DDX10: variants seen among roughly 807,000 people sequenced by gnomAD.
DDX10 encodes the protein probable ATP-dependent RNA helicase DDX10.
In DDX10, 74 loss-of-function variants were observed where a neutral mutation model predicts 104.3. The observed-to-expected ratio is 0.71, with a 90% CI of 0.59 to 0.86. The LOEUF (loss-of-function observed/expected upper bound fraction) is 0.86. Among genes scored for constraint, DDX10 ranks in the 40% least tolerant of loss-of-function variants. DDX10 has a pLI of 0.00. For missense variants in DDX10, 952 were observed against 1,040.0 expected (o/e 0.92, Z 1.16); for synonymous variants, 351 against 353.4 (o/e 0.99, Z 0.08).
chr11:108,774,254 G>A (rs1024687670), intron 13 of DDX10, among the ~76,000 whole-genome samples: 1 of 152,204 alleles, frequency 6.6e-6, no homozygotes, highest in Admixed American at 6.5e-5. Flanking sequence ...TTCATTGGCC[G>A]TGTGACTAGG....
At chr11:108,821,113 G>C (rs532506048) in intron 13 of DDX10, among the ~76,000 whole-genome samples, 3 of 152,292 alleles carry the variant, frequency 2.0e-5, no homozygotes, top group Admixed American at 2.0e-4. Context: ...GTTTCAGAGG[G>C]ATGAAGTAAA....
chr11:108,737,883 G>A (rs949949037), intron 13 of DDX10, among the ~76,000 whole-genome samples: 1 of 152,044 alleles, frequency 6.6e-6, no homozygotes, highest in African/African-American at 2.4e-5. Flanking sequence ...GGGTGATAAC[G>A]ATTAGAATAA....
At chr11:108,725,881 T>C (rs981590628) in intron 13 of DDX10, among the ~76,000 whole-genome samples, 5 of 151,986 alleles carry the variant, frequency 3.3e-5, no homozygotes, top group Non-Finnish European at 7.4e-5. Context: ...TTTTCTCCTA[T>C]GTTCTCGTCC....
At chr11:108,838,759 CGA>C (rs1677323117) in intron 14 of DDX10, among the ~76,000 whole-genome samples, 194 bp downstream of exon 14, 1 of 152,138 alleles carries the variant, frequency 6.6e-6, no homozygotes, top group African/African-American at 2.4e-5. Context: ...GCCAATAAGC[CGA>C]GATACTTCTT....
Position 108,701,675 on chromosome 11 carries a change from C to CTTTTTTTTTTTTTTTTT in DDX10, c.1224-5055_1224-5039dup, listed in dbSNP as rs55916940. On this transcript the variant is annotated intron_variant, in intron 9 of 17. Transcript: ENST00000322536. ...GGTGTTTTTTCTTTCTTCTTCTTCT[C>CTTTTTTTTTTTTTTTTT]TTTTTTTTTTTTTTTTTTTTTTTTT... is the stretch of plus-strand genomic sequence containing the variant. Among the ~76,000 whole-genome samples the CTTTTTTTTTTTTTTTTT allele has an allele frequency of 1.1e-3, 88 of 77,412 alleles. 1 individual carries two copies. Among genetic ancestry groups the CTTTTTTTTTTTTTTTTT allele is most frequent in the East Asian group, 2.2e-3 (5 of 2,254 alleles). 50.8% of individuals were successfully genotyped at this position (77,412 alleles called of 152,430 possible). A position where few individuals can be genotyped will look rare whatever the true frequency, so the allele number is the denominator to read the frequency against.
chr11:108,719,682 T>A lies in DDX10; in HGVS notation c.1411-115T>A, dbSNP rs114414530. On this transcript the variant is annotated intron_variant, in intron 11 of 17. Coordinates refer to ENST00000322536, the MANE Select transcript of DDX10 (RefSeq NM_004398.4). ...CATGGAATGGAGATATACTGAACTA[T>A]TTCGTGGTTTTTCAGTACTATTGAA... 434 of 601,576 alleles carry A rather than the reference T, an allele frequency of 7.2e-4. 2 individuals carry two copies. The highest frequency in any genetic ancestry group is 6.5e-3 in the African/African-American group (346 of 53,068). 37.3% of individuals were successfully genotyped at this position (601,576 alleles called of 1,614,324 possible).
chr11:108,676,249 C>G (rs1034480949), intron 3 of DDX10, among the ~76,000 whole-genome samples: 1 of 152,106 alleles, frequency 6.6e-6, no homozygotes, highest in Non-Finnish European at 1.5e-5. Flanking sequence ...ATCTCTGTTA[C>G]GTTGGTCTCC....
intron 13 of DDX10, among the ~76,000 whole-genome samples, chr11:108,736,556 A>G (rs2094318674): frequency 6.6e-6 from 1 of 152,168 alleles, no homozygotes; most frequent in South Asian, 2.1e-4. Context: ...TCAGTGGAAT[A>G]GTATTAAGAG....
chr11:108,784,013 G>A (rs1861748448), intron 13 of DDX10, among the ~76,000 whole-genome samples: 1 of 152,192 alleles, frequency 6.6e-6, no homozygotes, highest in African/African-American at 2.4e-5. Flanking sequence ...GTAGTATTCT[G>A]TAGTGTATAT....
At chr11:108,676,695 C>T (rs2094225663) in intron 3 of DDX10, among the ~76,000 whole-genome samples, 1 of 152,196 alleles carries the variant, frequency 6.6e-6, no homozygotes, top group Non-Finnish European at 1.5e-5. Flanking sequence ...GATGCACCCG[C>T]CTCCTCCTCC....
intron 13 of DDX10, among the ~76,000 whole-genome samples, chr11:108,757,419 G>A (rs1460952448): frequency 6.6e-6 from 1 of 151,940 alleles, no homozygotes; most frequent in Non-Finnish European, 1.5e-5. Context: ...ATGGGATTTG[G>A]AAACAGTTGT....
chr11:108,717,016 C>A (rs980746234), intron 11 of DDX10, among the ~76,000 whole-genome samples: 3 of 151,728 alleles, frequency 2.0e-5, no homozygotes, highest in Non-Finnish European at 2.9e-5. Context: ...TCTTTCTAAT[C>A]TTTGAATTAA....
chr11:108,765,516 A>G (rs987835631), intron 13 of DDX10, among the ~76,000 whole-genome samples: 1 of 152,220 alleles, frequency 6.6e-6, no homozygotes, highest in African/African-American at 2.4e-5. Context: ...AAATATTTGT[A>G]GCCCTAGTTT....
intron 13 of DDX10, among the ~76,000 whole-genome samples, chr11:108,778,038 TAA>T (rs2094372465): frequency 6.6e-6 from 1 of 151,964 alleles, no homozygotes; most frequent in Admixed American, 6.6e-5. Flanking sequence ...CTCAGCAAAA[TAA>T]AAGAGGACAC....
At chr11:108,684,412 C>T (rs1389926790) in intron 6 of DDX10, among the ~76,000 whole-genome samples, 6 of 129,040 alleles carry the variant, frequency 4.6e-5, no homozygotes, top group Non-Finnish European at 4.8e-5. Context: ...CATGTGATCT[C>T]ATTGTTCAAT....
intron 15 of DDX10, among the ~76,000 whole-genome samples, chr11:108,842,727 A>G (rs536697625): frequency 6.6e-6 from 1 of 152,328 alleles, no homozygotes; most frequent in South Asian, 2.1e-4. Flanking sequence ...GCAGCAATTA[A>G]ATTGAAATTT....
intron 1 of DDX10, among the ~76,000 whole-genome samples, chr11:108,666,913 A>G (rs1481732967): frequency 1.3e-5 from 2 of 152,200 alleles, no homozygotes; most frequent in Non-Finnish European, 2.9e-5. Context: ...ACCACATCCT[A>G]GCTCCACCAT....
At chr11:108,764,059 T>C (rs1417709993) in intron 13 of DDX10, among the ~76,000 whole-genome samples, 3 of 152,214 alleles carry the variant, frequency 2.0e-5, no homozygotes, top group Admixed American at 6.5e-5. Context: ...CTAAAACCTT[T>C]GGTGGATTCC....
intron 16 of DDX10, among the ~76,000 whole-genome samples, chr11:108,903,120 A>T (rs1309595793): frequency 1.3e-5 from 2 of 152,046 alleles, no homozygotes; most frequent in East Asian, 3.9e-4. Context: ...TGTGGCTTTT[A>T]ATATTCATAA....
Sources: allele counts gnomAD v4.1 joint callset (sites outside exome capture counted in the v4.1 genomes callset), GRCh38; gene constraint gnomAD v4.1.1; transcripts MANE v1.5; gene names NCBI Gene and HGNC (gene_info 2026-07-23, HGNC 2026-07-21).